Variants in CLEC16A observed in about 807,000 individuals in gnomAD.
CLEC16A encodes the protein protein CLEC16A.
A neutral mutation model predicts 109.5 loss-of-function variants in CLEC16A; 51 were observed. The ratio of observed to expected loss-of-function variants is 0.47; its 90% CI spans 0.37 to 0.59. The LOEUF (loss-of-function observed/expected upper bound fraction) is 0.59. Among genes scored for constraint, CLEC16A ranks in the 20% least tolerant of loss-of-function variants. The pLI is 0.00. For synonymous variants in CLEC16A, 673 were observed against 564.2 expected (o/e 1.19, Z -2.73); for missense variants, 1,339 against 1,394.0 (o/e 0.96, Z 0.63).
intron 22 of CLEC16A, 93 bp downstream of exon 22, chr16:11,126,239 C>G: frequency 6.3e-7 from 1 of 1,579,056 alleles, no homozygotes; most frequent in South Asian, 1.1e-5. Flanking sequence ...GCTGCCCTTC[C>G]TCTCTCAGAA....
chr16:11,053,488 A>C (rs866445173), intron 18 of CLEC16A, among the ~76,000 whole-genome samples: 1 of 151,906 alleles, frequency 6.6e-6, no homozygotes, highest in Admixed American at 6.6e-5. Flanking sequence ...CTCCCACCTC[A>C]GCCTCCTGGG....
At chr16:11,003,330 C>T (rs1162181728) in intron 11 of CLEC16A, 25 bp downstream of exon 11, 6 of 1,590,908 alleles carry the variant, frequency 3.8e-6, no homozygotes, top group Admixed American at 1.7e-5. Flanking sequence ...GAACGCCGCC[C>T]TGTGCCTGCG....
intron 22 of CLEC16A, among the ~76,000 whole-genome samples, chr16:11,142,273 C>T (rs2053870260): frequency 6.6e-6 from 1 of 152,202 alleles, no homozygotes; most frequent in Non-Finnish European, 1.5e-5. Flanking sequence ...GGCCCGGGAA[C>T]CTGACAAAAT....
intron 10 of CLEC16A, among the ~76,000 whole-genome samples, chr16:10,985,214 A>ATATATATAT (rs1202404600): frequency 8.9e-6 from 1 of 112,410 alleles, no homozygotes; most frequent in Admixed American, 8.1e-5. Flanking sequence ...AAAAAAAAAA[A>ATATATATAT]AAAAAAATAT....
intron 10 of CLEC16A, among the ~76,000 whole-genome samples, chr16:10,996,908 G>A (rs2044362474): frequency 6.6e-6 from 1 of 152,108 alleles, no homozygotes; most frequent in Non-Finnish European, 1.5e-5. Context: ...TGTATTTAGG[G>A]CATTACAGCA....
intron 11 of CLEC16A, among the ~76,000 whole-genome samples, chr16:11,007,841 G>A (rs975076666): frequency 6.6e-6 from 1 of 151,942 alleles, no homozygotes; most frequent in African/African-American, 2.4e-5. Flanking sequence ...TGGGAAGAGA[G>A]GGAGAAGAAG....
At chr16:11,119,914 T>A (rs2052273320) in intron 19 of CLEC16A, among the ~76,000 whole-genome samples, 1 of 152,150 alleles carries the variant, frequency 6.6e-6, no homozygotes, top group African/African-American at 2.4e-5. Context: ...TTGTGTCATC[T>A]TCAGTTTCTT....
Position 11,171,219 on chromosome 16 carries a change from G to C in CLEC16A, c.2806+4667G>C, listed in dbSNP as rs546070624. On this transcript the variant is annotated intron_variant, in intron 23 of 23. Transcript: ENST00000409790. ...CAGGTGAGGGCCTCTCAGCTGGAAG[G>C]GGGAAGGGGACAGCCCCGAGGGGTC... Among the ~76,000 whole-genome samples the C allele has an allele frequency of 4.0e-3, 610 of 152,322 alleles. 5 individuals carry two copies. The highest frequency in any genetic ancestry group is 0.014 in the African/African-American group (581 of 41,576).
chr16:11,024,636 G>A (rs536828034), intron 12 of CLEC16A, 185 bp from the exon 13 acceptor site: 315 of 538,798 alleles, frequency 5.8e-4, no homozygotes, highest in African/African-American at 5.5e-3. Context: ...TCTGGATAGC[G>A]GCTTCCGCAG....
At chr16:11,138,936 G>A (rs766215783) in intron 22 of CLEC16A, among the ~76,000 whole-genome samples, 1 of 152,026 alleles carries the variant, frequency 6.6e-6, no homozygotes, top group Non-Finnish European at 1.5e-5. Context: ...ACCATGAAGT[G>A]AAAACAGAAA....
At chr16:11,048,017 G>C (rs1259298101) in intron 17 of CLEC16A, 1 of 152,262 alleles carries the variant, frequency 6.6e-6, no homozygotes, top group South Asian at 2.1e-4. Flanking sequence ...CCCTTGACAC[G>C]TGGGGATTCT....
intron 22 of CLEC16A, among the ~76,000 whole-genome samples, chr16:11,130,884 T>A (rs1011367875): frequency 1.3e-5 from 2 of 152,266 alleles, no homozygotes; most frequent in Admixed American, 1.3e-4. Flanking sequence ...TAGAGCAGTT[T>A]GTCTCCCCTT....
rs545157620 is a variant in CLEC16A at position 10,981,775 on chromosome 16, A to T, written c.958-1103A>T. Among the ~76,000 whole-genome samples, 5 of 152,356 alleles carry T rather than the reference A, an allele frequency of 3.3e-5. No individual in the cohort carries two copies. The East Asian group carries it at 9.6e-4, about 29-fold the overall frequency. The stretch of plus-strand genomic sequence containing the variant: ...TCTATCCCCAGAGACAATTAGGGTT[A>T]CAGGGTTCTCGTATGTCCTAACAGA... On this transcript the variant is annotated intron_variant, in intron 9 of 23. Transcript: ENST00000409790.
chr16:11,124,390 A>G (rs1041770584), intron 21 of CLEC16A, among the ~76,000 whole-genome samples: 1 of 152,258 alleles, frequency 6.6e-6, no homozygotes, highest in Non-Finnish European at 1.5e-5. Context: ...ACCCACAGGC[A>G]GAACTTCCTA....
Position 11,032,387 on chromosome 16 carries a change from G to A in CLEC16A, c.1538-7367G>A, listed in dbSNP as rs185585574. 1.1e-3 allele frequency among the ~76,000 whole-genome samples: 173 copies of A among 152,334 alleles called. 1 individual carries two copies. Among genetic ancestry groups the A allele is most frequent in the African/African-American group, 4.0e-3 (167 of 41,576 alleles). On this transcript the variant is annotated intron_variant, in intron 13 of 23. Transcript: ENST00000409790. Reference sequence around the variant, plus strand: ...GACCCACTCTGCACCTCTCAGAATGGGTTTGCAGTAATTCAGCCAGCGGGT... The same window carrying A: ...GACCCACTCTGCACCTCTCAGAATGAGTTTGCAGTAATTCAGCCAGCGGGT...
intron 19 of CLEC16A, among the ~76,000 whole-genome samples, chr16:11,075,428 A>ATGTG (rs112426314): frequency 8.2e-4 from 89 of 108,008 alleles, no homozygotes; most frequent in East Asian, 1.4e-3. Context: ...GTGTGTGTGT[A>ATGTG]TGTGTGTGTG....
At chr16:11,030,590 G>A (rs6498152) in intron 13 of CLEC16A, among the ~76,000 whole-genome samples, 48,434 of 152,042 alleles carry the variant, frequency 0.32, 10,396 homozygotes, top group African/African-American at 0.62. Flanking sequence ...TCCTTAGCCC[G>A]TTTTTTAAAT....
At chr16:11,039,312 T>G (rs1004727362) in intron 13 of CLEC16A, among the ~76,000 whole-genome samples, 2 of 152,196 alleles carry the variant, frequency 1.3e-5, no homozygotes, top group African/African-American at 4.8e-5. Flanking sequence ...TGCAAAAACA[T>G]TTTTTGATTT....
intron 19 of CLEC16A, among the ~76,000 whole-genome samples, chr16:11,100,221 G>T (rs1319436981): frequency 6.6e-6 from 1 of 152,184 alleles, no homozygotes; most frequent in Non-Finnish European, 1.5e-5. Context: ...GACTGCGGGG[G>T]ACTCAGCAAT....
Sources: gnomAD v4.1 joint callset for allele counts (sites outside exome capture counted in the v4.1 genomes callset) on GRCh38, gnomAD v4.1.1 for gene constraint, MANE v1.5 for transcripts, NCBI Gene and HGNC (gene_info 2026-07-23, HGNC 2026-07-21) for gene names.